OLFM2: variants seen among roughly 807,000 people sequenced by gnomAD.
OLFM2 encodes the protein olfactomedin 2, also known as noelin-2.
Under a neutral mutation model 43.9 loss-of-function variants are expected in OLFM2, and 20 were observed. That is an observed-to-expected ratio of 0.46 (90% confidence interval 0.32 to 0.66). The LOEUF (loss-of-function observed/expected upper bound fraction) is 0.66. Ranked by LOEUF, OLFM2 falls within the 30% of genes least tolerant of loss-of-function variation. The pLI is 0.04. For synonymous variants in OLFM2, 268 were observed against 278.6 expected, an observed-to-expected ratio of 0.96 and a Z score of 0.38; for missense variants, 416 against 643.6, an observed-to-expected ratio of 0.65 and a Z score of 3.83.
chr19:9,899,726 A>T (rs1287578271), intron 1 of OLFM2, among the ~76,000 whole-genome samples: 1 of 149,938 alleles, frequency 6.7e-6, no homozygotes, highest in African/African-American at 2.5e-5. Context: ...CAATTTCTGT[A>T]TTTTTTTTTA....
chr19:9,895,888 G>C (rs2046679022), intron 1 of OLFM2, among the ~76,000 whole-genome samples: 1 of 151,908 alleles, frequency 6.6e-6, no homozygotes, highest in African/African-American at 2.4e-5. Flanking sequence ...CACCCGCCTT[G>C]GCCTCTGAAA....
At chr19:9,890,244 G>A (rs1484015944) in intron 1 of OLFM2, among the ~76,000 whole-genome samples, 1 of 152,138 alleles carries the variant, frequency 6.6e-6, no homozygotes, top group Non-Finnish European at 1.5e-5. Context: ...GGCAGAGAAG[G>A]TGTCTGCACT....
chr19:9,915,866 G>A (rs1305894419), intron 1 of OLFM2, among the ~76,000 whole-genome samples: 1 of 152,192 alleles, frequency 6.6e-6, no homozygotes, highest in African/African-American at 2.4e-5. Flanking sequence ...GGAACCATCT[G>A]GATATCTAGG....
intron 1 of OLFM2, among the ~76,000 whole-genome samples, chr19:9,894,376 CAATAAT>C (rs528905230): frequency 0.021 from 2,497 of 118,230 alleles, 48 homozygotes; most frequent in South Asian, 0.082. Flanking sequence ...GACTCTCTCT[CAATAAT>C]AATAATAATA....
chr19:9,909,382 G>A (rs892040591), intron 1 of OLFM2, among the ~76,000 whole-genome samples: 1 of 152,168 alleles, frequency 6.6e-6, no homozygotes, highest in Non-Finnish European at 1.5e-5. Flanking sequence ...TGATCCCCAG[G>A]TGAGAAGCCA....
At chr19:9,868,632 G>A (rs952741395) in intron 1 of OLFM2, among the ~76,000 whole-genome samples, 1 of 151,928 alleles carries the variant, frequency 6.6e-6, no homozygotes, top group African/African-American at 2.4e-5. Context: ...TACAATGAAC[G>A]TGTATTGTTC....
intron 1 of OLFM2, among the ~76,000 whole-genome samples, chr19:9,888,448 T>TC (rs1555726156): frequency 6.0e-5 from 9 of 149,298 alleles, no homozygotes; most frequent in Non-Finnish European, 1.2e-4. Flanking sequence ...CGCTTGAGCC[T>TC]GGGGGGCGGA....
chr19:9,861,637 A>G (rs944516815), intron 1 of OLFM2, among the ~76,000 whole-genome samples: 4 of 152,236 alleles, frequency 2.6e-5, no homozygotes, highest in African/African-American at 9.6e-5. Context: ...TGCTGGGAAA[A>G]GGATGCTCTG....
intron 1 of OLFM2, among the ~76,000 whole-genome samples, chr19:9,898,206 T>C (rs2144972847): frequency 6.7e-6 from 1 of 148,496 alleles, no homozygotes; most frequent in African/African-American, 2.5e-5. Context: ...CCATAGCGCC[T>C]GGCCCCAGCT....
At chr19:9,886,274 T>G (rs1368987453) in intron 1 of OLFM2, among the ~76,000 whole-genome samples, 1 of 152,074 alleles carries the variant, frequency 6.6e-6, no homozygotes, top group Non-Finnish European at 1.5e-5. Context: ...GGAGTGATCT[T>G]GGCTCACTGC....
chr19:9,880,825 TAAAC>T (rs1209584910), intron 1 of OLFM2, among the ~76,000 whole-genome samples: 4 of 152,128 alleles, frequency 2.6e-5, no homozygotes, highest in Non-Finnish European at 5.9e-5. Context: ...GCAGACCTAG[TAAAC>T]AAACACACAT....
At chr19:9,913,787 A>C (rs2046850705) in intron 1 of OLFM2, 7 of 449,852 alleles carry the variant, frequency 1.6e-5, no homozygotes, top group South Asian at 9.5e-5. Flanking sequence ...GGGCTCGGGG[A>C]CGCGGGCTGC....
intron 1 of OLFM2, among the ~76,000 whole-genome samples, chr19:9,901,314 T>C (rs2046737429): frequency 1.3e-5 from 2 of 151,558 alleles, no homozygotes; most frequent in Non-Finnish European, 2.9e-5. Context: ...TAATTCCAAC[T>C]ACTTGGGAGG....
chr19:9,919,180 T>C (rs1380496799), intron 1 of OLFM2, among the ~76,000 whole-genome samples: 1 of 132,288 alleles, frequency 7.6e-6, no homozygotes, highest in Admixed American at 7.2e-5. Flanking sequence ...CTCTCTCTTT[T>C]TTTTGAGATG....
intron 1 of OLFM2, among the ~76,000 whole-genome samples, chr19:9,883,251 G>A (rs1453528345): frequency 6.6e-6 from 1 of 151,636 alleles, no homozygotes; most frequent in Admixed American, 6.6e-5. Context: ...CATGAAAGGT[G>A]AACTGGCCAG....
intron 1 of OLFM2, among the ~76,000 whole-genome samples, chr19:9,899,025 G>C (rs932362535): frequency 1.3e-5 from 2 of 152,156 alleles, no homozygotes; most frequent in African/African-American, 4.8e-5. Flanking sequence ...ACAACTTTGG[G>C]AGGCCGAGGT....
chr19:9,913,618 C>T (rs1414342313), intron 1 of OLFM2: 4 of 1,296,368 alleles, frequency 3.1e-6, no homozygotes, highest in Admixed American at 3.5e-5. Context: ...GCACCGACAT[C>T]GCGCCTCCGC....
chr19:9,932,737 A>C (rs1309581152), intron 1 of OLFM2, among the ~76,000 whole-genome samples: 1 of 152,134 alleles, frequency 6.6e-6, no homozygotes, highest in Non-Finnish European at 1.5e-5. Flanking sequence ...CCAAACCCAG[A>C]TAGTGCCAAC....
chr19:9,883,918 CCT>C (rs1009029462), intron 1 of OLFM2, among the ~76,000 whole-genome samples: 1 of 152,104 alleles, frequency 6.6e-6, no homozygotes, highest in Non-Finnish European at 1.5e-5. Context: ...GCAGCATCCC[CCT>C]CTTAGGGCAG....
Sources: allele counts gnomAD v4.1 joint callset (sites outside exome capture counted in the v4.1 genomes callset), GRCh38; gene constraint gnomAD v4.1.1; transcripts MANE v1.5; gene names NCBI Gene and HGNC (gene_info 2026-07-23, HGNC 2026-07-21).